Variants in BMP5 observed in about 807,000 individuals in gnomAD.
BMP5 encodes the protein bone morphogenetic protein 5.
In BMP5, 23 loss-of-function variants were observed where a neutral mutation model predicts 46.6. That is an observed-to-expected ratio of 0.49 (90% CI 0.35 to 0.70). The LOEUF is 0.70. BMP5 is among the 30% of genes least tolerant of loss of function. The pLI, the probability that BMP5 is intolerant of heterozygous loss-of-function variation, is 0.00. For synonymous variants in BMP5, 204 were observed against 191.9 expected (o/e 1.06, Z -0.52); for missense variants, 545 against 565.6 (o/e 0.96, Z 0.37).
chr6:55,862,428 G>T (rs1322463921), intron 1 of BMP5, among the ~76,000 whole-genome samples: 3 of 151,996 alleles, frequency 2.0e-5, no homozygotes. Flanking sequence ...TATCTCCATT[G>T]ACTATTATAT....
intron 1 of BMP5, among the ~76,000 whole-genome samples, chr6:55,845,100 C>T (rs1777064181): frequency 6.6e-6 from 1 of 152,050 alleles, no homozygotes; most frequent in East Asian, 1.9e-4. Context: ...TTGAAGTCCC[C>T]TAAAGGACAT....
intron 1 of BMP5, among the ~76,000 whole-genome samples, chr6:55,869,173 G>GT (rs1777720289): frequency 1.3e-5 from 2 of 152,086 alleles, no homozygotes; most frequent in Non-Finnish European, 2.9e-5. Context: ...CACACATACT[G>GT]AGACAACCCC....
intron 2 of BMP5, among the ~76,000 whole-genome samples, chr6:55,801,649 A>T (rs925845884): frequency 2.0e-5 from 3 of 152,220 alleles, no homozygotes; most frequent in Admixed American, 6.5e-5. Flanking sequence ...TTGCAGAAGC[A>T]TTTCCCAGGA....
chr6:55,860,926 A>G lies in BMP5; in HGVS notation c.490+13450T>C, dbSNP rs1030791809. ...TACCCTTTAATTCATAAAATACATA[A>G]GGAGCAGAAATAATATATTCAGCTT... On this transcript the variant is annotated intron_variant, in intron 1 of 6. Coordinates refer to ENST00000370830, the MANE Select transcript of BMP5 (RefSeq NM_021073.4). Among the ~76,000 whole-genome samples, 3 of 152,342 alleles carry G rather than the reference A, an allele frequency of 2.0e-5. No homozygotes were observed. In the South Asian group the frequency reaches 6.2e-4, roughly 32 times the overall value.
intron 3 of BMP5, among the ~76,000 whole-genome samples, chr6:55,788,315 T>G (rs1775496821): frequency 6.6e-6 from 1 of 151,776 alleles, no homozygotes. Context: ...TCATTTCTAT[T>G]GACTTCACAC....
rs560046539 is a variant in BMP5, at chr6:55,844,654, T to C, written c.491-24807A>G. Among the ~76,000 whole-genome samples the C allele has an allele frequency of 5.7e-3, 870 of 152,032 alleles. 8 individuals carry two copies. Among genetic ancestry groups the C allele is most frequent in the African/African-American group, 0.02 (844 of 41,568 alleles). On this transcript the variant is annotated intron_variant, in intron 1 of 6. Transcript: ENST00000370830. Reference sequence around the variant, plus strand: ...AATTCAATAATAGGAATACCAATGCTTTTTATTAAAATTTTTATAAATCAC... The same window carrying C: ...AATTCAATAATAGGAATACCAATGCCTTTTATTAAAATTTTTATAAATCAC...
At chr6:55,771,402 A>T (rs796161638) in intron 4 of BMP5, among the ~76,000 whole-genome samples, 2 of 151,722 alleles carry the variant, frequency 1.3e-5, no homozygotes, top group African/African-American at 4.8e-5. Context: ...CTGTTCAACC[A>T]TCTTGCCAAA....
At chr6:55,794,252 A>G in intron 3 of BMP5, 27 bp downstream of exon 3, 1 of 1,613,320 alleles carries the variant, frequency 6.2e-7, no homozygotes, top group South Asian at 1.1e-5. Flanking sequence ...AAGCTTCACA[A>G]AAAAATATAT....
intron 1 of BMP5, among the ~76,000 whole-genome samples, chr6:55,834,386 C>A (rs979953745): frequency 1.3e-5 from 2 of 151,992 alleles, no homozygotes; most frequent in Non-Finnish European, 2.9e-5. Flanking sequence ...TATCTGCATT[C>A]GATTGATAAG....
intron 3 of BMP5, among the ~76,000 whole-genome samples, chr6:55,783,947 A>G (rs1051436405): frequency 2.0e-5 from 3 of 151,970 alleles, no homozygotes; most frequent in Admixed American, 1.3e-4. Context: ...AGTGAACCAC[A>G]ACTAACTCCT....
chr6:55,848,655 T>C lies in BMP5; in HGVS notation c.490+25721A>G, dbSNP rs145986370. On this transcript the variant is annotated intron_variant, in intron 1 of 6. Transcript: ENST00000370830. Reference sequence around the variant, plus strand: ...TGCTGTGGTCCGTGGATGATCATAGTTGGTTTTGTTGCAGAAAGATAATAT... The same window carrying C: ...TGCTGTGGTCCGTGGATGATCATAGCTGGTTTTGTTGCAGAAAGATAATAT... Among the ~76,000 whole-genome samples the C allele has an allele frequency of 4.3e-4, 66 of 152,020 alleles. 1 individual carries two copies. In the East Asian group the frequency reaches 0.012, roughly 28 times the overall value.
chr6:55,800,720 A>G (rs1562044318), intron 2 of BMP5, among the ~76,000 whole-genome samples: 1 of 152,252 alleles, frequency 6.6e-6, no homozygotes, highest in Non-Finnish European at 1.5e-5. Flanking sequence ...TGACCAAAAT[A>G]AATCACAGAA....
chr6:55,853,216 A>C lies in BMP5; in HGVS notation c.490+21160T>G, dbSNP rs577182187. Among the ~76,000 whole-genome samples, 3 of 143,284 alleles carry C rather than the reference A, an allele frequency of 2.1e-5. No individual in the cohort carries two copies. The South Asian group carries it at 6.5e-4, about 31-fold the overall frequency. 94.0% of individuals were successfully genotyped at this position (143,284 alleles called of 152,430 possible). A position where few individuals can be genotyped will look rare whatever the true frequency, so the allele number is the denominator to read the frequency against. On this transcript the variant is annotated intron_variant, in intron 1 of 6. Transcript: ENST00000370830. Reference sequence around the variant, plus strand: ...ATAAAATAAAATAAAATAAAATAAAATAAGATAAAATACAATAAAATAAAA... The same window carrying C: ...ATAAAATAAAATAAAATAAAATAAACTAAGATAAAATACAATAAAATAAAA...
rs780140443 is a variant in BMP5, at chr6:55,870,875, G to T, written c.490+3501C>A. Reference sequence around the variant, plus strand: ...ACACATTTAAATACTTTTGTGCTTGGAATTAAAACGTATTCTTGAAATACA... The same window carrying T: ...ACACATTTAAATACTTTTGTGCTTGTAATTAAAACGTATTCTTGAAATACA... On this transcript the variant is annotated intron_variant, in intron 1 of 6. Transcript: ENST00000370830. 2.0e-5 allele frequency among the ~76,000 whole-genome samples: 3 copies of T among 151,874 alleles called. No homozygotes were observed. In the East Asian group the frequency reaches 5.8e-4, roughly 29 times the overall value.
At chr6:55,791,766 A>G (rs999987081) in intron 3 of BMP5, among the ~76,000 whole-genome samples, 8 of 152,202 alleles carry the variant, frequency 5.3e-5, no homozygotes, top group African/African-American at 1.9e-4. Flanking sequence ...GAAGATGGAA[A>G]TTAAAAGGAA....
chr6:55,801,852 A>G (rs2127531735), intron 2 of BMP5, among the ~76,000 whole-genome samples: 1 of 152,268 alleles, frequency 6.6e-6, no homozygotes, highest in African/African-American at 2.4e-5. Flanking sequence ...AGAATTCCAT[A>G]CTGCATCGCT....
intron 2 of BMP5, among the ~76,000 whole-genome samples, chr6:55,798,697 G>T (rs60220346): frequency 3.3e-5 from 5 of 152,080 alleles, no homozygotes; most frequent in Admixed American, 3.3e-4. Flanking sequence ...AAGGTGAATA[G>T]TAATATATAA....
intron 2 of BMP5, among the ~76,000 whole-genome samples, chr6:55,806,640 A>G (rs1775997097): frequency 1.3e-5 from 2 of 152,204 alleles, no homozygotes; most frequent in Non-Finnish European, 1.5e-5. Flanking sequence ...ATAGCACTGA[A>G]TCTATAAGTT....
chr6:55,847,774 TGTAGA>T (rs1250227241), intron 1 of BMP5, among the ~76,000 whole-genome samples: 1 of 151,922 alleles, frequency 6.6e-6, no homozygotes, highest in Non-Finnish European at 1.5e-5. Flanking sequence ...TATCCATTAC[TGTAGA>T]GTATCTTAGC....
Sources: allele counts gnomAD v4.1 joint callset (sites outside exome capture counted in the v4.1 genomes callset), GRCh38; gene constraint gnomAD v4.1.1; transcripts MANE v1.5; gene names NCBI Gene and HGNC (gene_info 2026-07-23, HGNC 2026-07-21).